DPYD: variants seen among roughly 807,000 people sequenced by gnomAD.
DPYD encodes the protein dihydropyrimidine dehydrogenase.
Under a neutral mutation model 116.2 loss-of-function variants are expected in DPYD, and 109 were observed. The ratio of observed to expected loss-of-function variants is 0.94; its 90% CI spans 0.80 to 1.10. The LOEUF (loss-of-function observed/expected upper bound fraction) is 1.10, where lower values mean the gene tolerates loss of function less well. DPYD is among the 50% of genes least tolerant of loss of function. DPYD has a pLI of 0.00. For synonymous variants in DPYD, 440 were observed against 432.0 expected, an observed-to-expected ratio of 1.02 and a Z score of -0.23; for missense variants, 1,302 against 1,254.5, an observed-to-expected ratio of 1.04 and a Z score of -0.57.
At chr1:97,475,293 T>C (rs187204225) in intron 13 of DPYD, among the ~76,000 whole-genome samples, 2 of 152,032 alleles carry the variant, frequency 1.3e-5, no homozygotes, top group Non-Finnish European at 2.9e-5. Context: ...CAAAATAAAC[T>C]CTAGATATAT....
chr1:97,814,960 GAGAA>G (rs1274870387), intron 3 of DPYD, among the ~76,000 whole-genome samples: 18 of 137,086 alleles, frequency 1.3e-4, no homozygotes, highest in East Asian at 1.1e-3. Flanking sequence ...AAAGAAAGGA[GAGAA>G]AGAAAGAAAG....
chr1:97,119,031 G>C lies in DPYD; in HGVS notation c.2623-20399C>G, dbSNP rs1036998900. 3.0e-4 allele frequency among the ~76,000 whole-genome samples: 46 copies of C among 152,194 alleles called. 1 individual carries two copies. The highest frequency in any genetic ancestry group is 1.1e-3 in the African/African-American group (44 of 41,510). On this transcript the variant is annotated intron_variant, in intron 20 of 22. Coordinates refer to ENST00000370192, the MANE Select transcript of DPYD (RefSeq NM_000110.4). The stretch of plus-strand genomic sequence containing the variant: ...TTTTCACAGACTTTGGGGACAGAAG[G>C]TTCTTTCCTTCAGGTATTGGGAATT...
intron 20 of DPYD, among the ~76,000 whole-genome samples, chr1:97,158,331 T>C (rs925338131): frequency 2.6e-5 from 4 of 152,060 alleles, no homozygotes; most frequent in African/African-American, 4.8e-5. Flanking sequence ...GTTTGCAATA[T>C]GAAAAAGTTT....
intron 20 of DPYD, among the ~76,000 whole-genome samples, chr1:97,110,083 T>G (rs560265096): frequency 1.3e-5 from 2 of 152,152 alleles, no homozygotes; most frequent in East Asian, 3.9e-4. Context: ...CTTCCTGAAG[T>G]TTTTGGGCTA....
At chr1:97,755,116 C>T (rs1438043175) in intron 3 of DPYD, among the ~76,000 whole-genome samples, 1 of 152,118 alleles carries the variant, frequency 6.6e-6, no homozygotes, top group Non-Finnish European at 1.5e-5. Flanking sequence ...CCGGTTCTCC[C>T]CTCTTTCCTG....
At chr1:97,574,055 A>T in intron 10 of DPYD, 85 bp from the exon 11 acceptor site, 1 of 1,558,290 alleles carries the variant, frequency 6.4e-7, no homozygotes, top group Non-Finnish European at 8.7e-7. Flanking sequence ...TACACATGCT[A>T]AAGCTTATGA....
At chr1:97,333,379 T>C (rs1669120164) in intron 16 of DPYD, among the ~76,000 whole-genome samples, 1 of 152,096 alleles carries the variant, frequency 6.6e-6, no homozygotes, top group African/African-American at 2.4e-5. Context: ...TCTGAGCTAG[T>C]TCTAGAGATG....
intron 13 of DPYD, among the ~76,000 whole-genome samples, chr1:97,513,175 A>AT (rs1480214383): frequency 1.3e-5 from 2 of 151,676 alleles, no homozygotes; most frequent in African/African-American, 4.8e-5. Flanking sequence ...TGTCAAGAGT[A>AT]TAAAATATAT....
intron 5 of DPYD, among the ~76,000 whole-genome samples, chr1:97,701,206 T>C (rs905260053): frequency 6.8e-6 from 1 of 147,994 alleles, no homozygotes; most frequent in African/African-American, 2.5e-5. Flanking sequence ...ATTATATATA[T>C]ATATGAAATA....
intron 20 of DPYD, among the ~76,000 whole-genome samples, chr1:97,142,937 A>G (rs914313236): frequency 6.6e-6 from 1 of 152,208 alleles, no homozygotes; most frequent in Admixed American, 6.6e-5. Context: ...CTCAGTATAA[A>G]ATACATGTTC....
intron 8 of DPYD, among the ~76,000 whole-genome samples, chr1:97,659,889 A>G (rs921986024): frequency 2.6e-5 from 4 of 152,080 alleles, no homozygotes; most frequent in Non-Finnish European, 5.9e-5. Flanking sequence ...TCATATGGTC[A>G]TCTGATTTTG....
chr1:97,780,098 A>G (rs1231479868), intron 3 of DPYD, among the ~76,000 whole-genome samples: 1 of 152,198 alleles, frequency 6.6e-6, no homozygotes, highest in Non-Finnish European at 1.5e-5. Flanking sequence ...CACAAAAGCA[A>G]TTTTTAAATC....
At chr1:97,383,361 C>A (rs887534438) in intron 14 of DPYD, among the ~76,000 whole-genome samples, 1 of 151,350 alleles carries the variant, frequency 6.6e-6, no homozygotes, top group Non-Finnish European at 1.5e-5. Context: ...CCTGTAATTC[C>A]AGCTACTCGG....
intron 1 of DPYD, among the ~76,000 whole-genome samples, chr1:97,918,671 A>C (rs569070488): frequency 1.1e-4 from 16 of 152,286 alleles, no homozygotes; most frequent in Admixed American, 3.9e-4. Context: ...AAACAAAGAT[A>C]TTTCTTGGCT....
At chr1:97,630,631 T>C (rs1657202075) in intron 8 of DPYD, among the ~76,000 whole-genome samples, 1 of 152,158 alleles carries the variant, frequency 6.6e-6, no homozygotes, top group Non-Finnish European at 1.5e-5. Flanking sequence ...TAGCAAGTCT[T>C]TCTTCTAAAC....
In DPYD at chr1:97,305,436, C is replaced by A. The variant is rs1042581978; in HGVS notation, c.2180-58G>T. ...TCTTATAAGACACGATAGTTAAAACCCATTCAAACCCTCACATCCCAGAAA... is the reference window on the plus strand; with the variant it reads ...TCTTATAAGACACGATAGTTAAAACACATTCAAACCCTCACATCCCAGAAA... On this transcript the variant is annotated intron_variant, in intron 17 of 22. Transcript: ENST00000370192. The A allele has an allele frequency of 7.1e-5, 114 of 1,608,490 alleles. 1 individual carries two copies. Among genetic ancestry groups the A allele is most frequent in the Non-Finnish European group, 9.4e-5 (111 of 1,176,542 alleles).
intron 22 of DPYD, among the ~76,000 whole-genome samples, chr1:97,080,109 A>G (rs1299416753): frequency 6.6e-6 from 1 of 152,054 alleles, no homozygotes; most frequent in African/African-American, 2.4e-5. Context: ...GGGGTGGATC[A>G]TGGTGTCAGA....
At chr1:97,528,128 G>A (rs936482675) in intron 12 of DPYD, among the ~76,000 whole-genome samples, 9 of 152,140 alleles carry the variant, frequency 5.9e-5, no homozygotes, top group Non-Finnish European at 1.2e-4. Flanking sequence ...TTCGCTCTTT[G>A]AAGAAATATC....
At position 97,598,639 on chromosome 1, in the gene DPYD, C is replaced by G. The variant is rs150283229; in HGVS notation, c.851-3473G>C. Among the ~76,000 whole-genome samples, 1,044 of 150,886 alleles carry G rather than the reference C, an allele frequency of 6.9e-3. 11 individuals carry two copies. The highest frequency in any genetic ancestry group is 0.024 in the African/African-American group (1,004 of 41,172). ...AGGGAAGGAGGGAGGGAGGGAGGAA[C>G]GAAGGAAGGAAGGAAGGATCCTGCT... On this transcript the variant is annotated intron_variant, in intron 8 of 22. Transcript: ENST00000370192.
Sources: gnomAD v4.1 joint callset for allele counts (sites outside exome capture counted in the v4.1 genomes callset) on GRCh38, gnomAD v4.1.1 for gene constraint, MANE v1.5 for transcripts, NCBI Gene and HGNC (gene_info 2026-07-23, HGNC 2026-07-21) for gene names.